The following CFAP44 variants were observed in gnomAD, a reference collection of about 807,000 sequenced individuals.
CFAP44 encodes cilia and flagella associated protein 44.
In CFAP44, 134 loss-of-function variants were observed where a neutral mutation model predicts 216.2. The observed-to-expected ratio is 0.62, with a 90% CI of 0.54 to 0.72. The LOEUF (loss-of-function observed/expected upper bound fraction) is 0.72, where lower values mean the gene tolerates loss of function less well. Among genes scored for constraint, CFAP44 ranks in the 30% least tolerant of loss-of-function variants. The probability of loss-of-function intolerance (pLI) is 0.00; values close to 1 mark genes in which losing one functional copy is unlikely to be tolerated. For synonymous variants in CFAP44, 700 were observed against 727.6 expected, an observed-to-expected ratio of 0.96 and a Z score of 0.61; for missense variants, 2,035 against 2,182.1, an observed-to-expected ratio of 0.93 and a Z score of 1.34.
chr3:113,331,330 G>A lies in CFAP44; in HGVS notation c.3616-662C>T, dbSNP rs148600803. Among the ~76,000 whole-genome samples, 289 of 151,940 alleles carry A rather than the reference G, an allele frequency of 1.9e-3. 2 individuals are homozygous for A. The highest frequency in any genetic ancestry group is 5.7e-3 in the African/African-American group (237 of 41,438). On this transcript the variant is annotated intron_variant, in intron 25 of 34. Coordinates refer to ENST00000393845, the MANE Select transcript of CFAP44 (RefSeq NM_001164496.2). Reference sequence around the variant, plus strand: ...TCTTTCATTACCAGCTGTCTCCCTGGTCTGTGTTTTCTAAATGCCATTCTG... The same window carrying A: ...TCTTTCATTACCAGCTGTCTCCCTGATCTGTGTTTTCTAAATGCCATTCTG...
At chr3:113,437,845 T>G (rs1935273000) in intron 1 of CFAP44, among the ~76,000 whole-genome samples, 1 of 152,176 alleles carries the variant, frequency 6.6e-6, no homozygotes, top group Non-Finnish European at 1.5e-5. Flanking sequence ...AAAGCTACAT[T>G]GTAACCTGTG....
At chr3:113,297,787 T>C (rs1949896628) in intron 32 of CFAP44, among the ~76,000 whole-genome samples, 1 of 152,230 alleles carries the variant, frequency 6.6e-6, no homozygotes. Flanking sequence ...ACTTTCTCAA[T>C]GACCAGACTG....
chr3:113,426,385 C>T lies in CFAP44; in HGVS notation c.254-108G>A, dbSNP rs182931350. 2.4e-3 allele frequency: 2,855 copies of T among 1,206,032 alleles called. 13 individuals are homozygous for T. Among genetic ancestry groups the T allele is most frequent in the Middle Eastern group, 0.017 (61 of 3,632 alleles). 74.7% of individuals were successfully genotyped at this position (1,206,032 alleles called of 1,614,324 possible). ...TAATCTCCACATGTCATGGGAGAGA[C>T]CTGGTAGGAGGTAATTGAATCACAG... is the stretch of plus-strand genomic sequence containing the variant. On this transcript the variant is annotated intron_variant, in intron 3 of 34. Transcript: ENST00000393845.
chr3:113,367,004 G>A (rs918017385), intron 18 of CFAP44, among the ~76,000 whole-genome samples: 5 of 152,234 alleles, frequency 3.3e-5, no homozygotes, highest in African/African-American at 1.2e-4. Context: ...AGCCCGGCGG[G>A]TGGAGGGGTG....
At chr3:113,325,996 A>C (rs1950186027) in intron 28 of CFAP44, among the ~76,000 whole-genome samples, 1 of 152,240 alleles carries the variant, frequency 6.6e-6, no homozygotes, top group South Asian at 2.1e-4. Flanking sequence ...TGAAAAGGCA[A>C]GCTACGCACT....
chr3:113,377,992 T>C (rs1323867912), intron 17 of CFAP44, among the ~76,000 whole-genome samples: 1 of 152,182 alleles, frequency 6.6e-6, no homozygotes, highest in Non-Finnish European at 1.5e-5. Context: ...GTAATTTTAC[T>C]TGGAAACCCT....
Position 113,326,534 on chromosome 3 carries a change from C to T in CFAP44, c.4427G>A (p.Gly1476Glu), listed in dbSNP as rs564476682. The part of the protein sequence containing the change: ...ALYAGFQAAI[G>E]ENNKFANFLM... ...GAAGTTTGCAAATTTATTGTTTTCT[C>T]CAATGGCTGCTTGAAAACCAGCATA... Residue 1476 changes from glycine (G) to glutamate (E), a missense_variant, in exon 28 of 35, where the codon GGA becomes GAA. Coordinates refer to ENST00000393845, the MANE Select transcript of CFAP44 (RefSeq NM_001164496.2). 6.5e-7 allele frequency: 1 copy of T among 1,531,974 alleles called. No homozygotes were observed. The highest frequency in any genetic ancestry group is 1.4e-5 in the African/African-American group (1 of 72,898). 94.9% of individuals were successfully genotyped at this position (1,531,974 alleles called of 1,614,324 possible). A position where few individuals can be genotyped will look rare whatever the true frequency, so the allele number is the denominator to read the frequency against.
In CFAP44 at chr3:113,401,303, A is replaced by G. The variant is rs772939496; in HGVS notation, c.1327-16T>C. On this transcript the variant is annotated splice_polypyrimidine_tract_variant and intron_variant, in intron 10 of 34. Coordinates refer to ENST00000393845, the MANE Select transcript of CFAP44 (RefSeq NM_001164496.2). ...CATTGGCATCCTAAAAAAATTAAATAGTATTTTGTTTTATCATTTTAAACT... is the reference window on the plus strand; with the variant it reads ...CATTGGCATCCTAAAAAAATTAAATGGTATTTTGTTTTATCATTTTAAACT... The G allele has an allele frequency of 3.8e-6, 6 of 1,573,648 alleles. No homozygotes were observed. In the African/African-American group the frequency reaches 6.9e-5, roughly 18 times the overall value.
intron 28 of CFAP44, among the ~76,000 whole-genome samples, chr3:113,325,597 C>G (rs76276377): frequency 0.025 from 3,795 of 151,962 alleles, 60 homozygotes; most frequent in East Asian, 0.051. Context: ...GCATATTGTG[C>G]TTTCCATTGG....
At chr3:113,336,037 A>C (rs1190154913) in intron 24 of CFAP44, among the ~76,000 whole-genome samples, 2 of 152,230 alleles carry the variant, frequency 1.3e-5, no homozygotes, top group Non-Finnish European at 2.9e-5. Context: ...AATGTCTACC[A>C]TATGAAAATG....
Position 113,401,597 on chromosome 3 carries a change from A to G in CFAP44, c.1313T>C (p.Phe438Ser). 6.2e-7 allele frequency: 1 copy of G among 1,613,184 alleles called. No individual in the cohort carries two copies. The change falls in exon 10 of 35, where the codon TTT (phenylalanine) becomes TCT (serine). Residue 438 changes from phenylalanine to serine, a missense_variant. Phe to Ser is a radical substitution (Grantham distance 155). This residue lies in a region of CFAP44 where 1,883 missense variants were observed against 2,023.7 expected (regional missense o/e 0.93). Transcript: ENST00000393845. ...AATGCAACACACCTGAGCCAACCAAAAGTTATTTCCAGTTTCATTCATTTT... is the reference window on the plus strand; with the variant it reads ...AATGCAACACACCTGAGCCAACCAAGAGTTATTTCCAGTTTCATTCATTTT... ...MIKMNETGNNFWLAQDANGAI... is the reference protein window; with the variant it reads ...MIKMNETGNNSWLAQDANGAI...
intron 28 of CFAP44, 85 bp from the exon 29 acceptor site, chr3:113,308,353 G>A: frequency 2.7e-6 from 3 of 1,107,418 alleles, no homozygotes; most frequent in Non-Finnish European, 3.8e-6. Context: ...ATTTTTCAAT[G>A]AGTTAGTCAC....
At chr3:113,371,710 A>G (rs1933172502) in intron 18 of CFAP44, among the ~76,000 whole-genome samples, 1 of 152,216 alleles carries the variant, frequency 6.6e-6, no homozygotes, top group Non-Finnish European at 1.5e-5. Context: ...CAATGGCAAA[A>G]GCAAAAATAG....
chr3:113,304,247 CCTTA>C (rs1949964638), intron 31 of CFAP44, 130 bp from the exon 32 acceptor site: 3 of 869,858 alleles, frequency 3.4e-6, no homozygotes, highest in East Asian at 5.3e-5. Context: ...TCTACGTCTT[CCTTA>C]CTGAGTAACA....
At chr3:113,313,378 T>G (rs1195077381) in intron 28 of CFAP44, among the ~76,000 whole-genome samples, 1 of 152,160 alleles carries the variant, frequency 6.6e-6, no homozygotes, top group East Asian at 1.9e-4. Flanking sequence ...ACTAGCTTGC[T>G]TTTGATTTTA....
chr3:113,337,517 A>G (rs1199146540), intron 24 of CFAP44, among the ~76,000 whole-genome samples: 1 of 152,228 alleles, frequency 6.6e-6, no homozygotes, highest in Non-Finnish European at 1.5e-5. Flanking sequence ...GAAAAATAAA[A>G]TGAGAGGAAT....
chr3:113,407,148 T>C (rs1432729574), intron 7 of CFAP44, 107 bp from the exon 8 acceptor site: 2 of 820,368 alleles, frequency 2.4e-6, no homozygotes, highest in East Asian at 2.7e-5. Context: ...ATTATTTCAT[T>C]CATTCATTCA....
intron 18 of CFAP44, among the ~76,000 whole-genome samples, chr3:113,373,121 C>A (rs932221633): frequency 1.3e-5 from 2 of 152,194 alleles, no homozygotes; most frequent in Non-Finnish European, 2.9e-5. Flanking sequence ...TAACCCTGAA[C>A]CTTCATTTCT....
chr3:113,346,262 G>A (rs1437226230), intron 22 of CFAP44, among the ~76,000 whole-genome samples: 1 of 151,968 alleles, frequency 6.6e-6, no homozygotes, highest in Middle Eastern at 3.2e-3. Flanking sequence ...CTAGCTAAAG[G>A]ATTGTAAATG....
Sources: gnomAD v4.1 joint callset for allele counts (sites outside exome capture counted in the v4.1 genomes callset) on GRCh38, gnomAD v4.1.1 for gene constraint, gnomAD v4.1.1 regional missense constraint, MANE v1.5 for transcripts, NCBI Gene and HGNC (gene_info 2026-07-23, HGNC 2026-07-21) for gene names.